The following RET variants were observed in gnomAD, a reference collection of about 807,000 sequenced individuals.
RET encodes proto-oncogene tyrosine-protein kinase receptor Ret.
In RET, 19 loss-of-function variants were observed where a neutral mutation model predicts 118.3. The observed-to-expected ratio is 0.16, with a 90% CI of 0.11 to 0.24. The LOEUF is 0.24. Among genes scored for constraint, RET ranks in the 10% least tolerant of loss-of-function variants. The probability of loss-of-function intolerance (pLI) is 1.00; values close to 1 mark genes in which losing one functional copy is unlikely to be tolerated. For synonymous variants in RET, 597 were observed against 644.1 expected, an observed-to-expected ratio of 0.93 and a Z score of 1.11; for missense variants, 1,219 against 1,502.1, an observed-to-expected ratio of 0.81 and a Z score of 3.12.
rs1588880984 is a variant in RET at position 43,126,604 on chromosome 10, A to T, written c.3069A>T (p.Pro1023=). Reference sequence around the variant, plus strand: ...ACTTGGACCTTGCGGCGTCCACTCCATCTGACTCCCTGATTTATGACGACG... The same window carrying T: ...ACTTGGACCTTGCGGCGTCCACTCCTTCTGACTCCCTGATTTATGACGACG... ...RDYLDLAAST[P]SDSLIYDDGL... The change falls in exon 19 of 20, where the codon CCA becomes CCT. Residue 1023 remains proline, a synonymous_variant. Transcript: ENST00000355710. The T allele has an allele frequency of 6.2e-7, 1 of 1,614,164 alleles. No homozygotes were observed. Among genetic ancestry groups the T allele is most frequent in the Non-Finnish European group, 8.5e-7 (1 of 1,180,026 alleles).
chr10:43,087,446 G>A (rs939738304), intron 1 of RET, among the ~76,000 whole-genome samples: 28 of 152,226 alleles, frequency 1.8e-4, no homozygotes, highest in Admixed American at 6.5e-5. Context: ...TTTACTGAGC[G>A]CCCGGTATAT....
intron 1 of RET, among the ~76,000 whole-genome samples, chr10:43,097,278 G>A (rs935234645): frequency 3.0e-4 from 46 of 152,144 alleles, no homozygotes; most frequent in African/African-American, 8.9e-4. Flanking sequence ...CTGCTCCTGC[G>A]ACAGATGGGG....
chr10:43,085,195 G>T (rs1013393172), intron 1 of RET, among the ~76,000 whole-genome samples: 4 of 152,128 alleles, frequency 2.6e-5, no homozygotes, highest in Non-Finnish European at 5.9e-5. Context: ...CCATAGGCAG[G>T]CACTCTGTGC....
chr10:43,112,272 G>A (rs372240687), intron 8 of RET, 48 bp downstream of exon 8: 381 of 1,544,090 alleles, frequency 2.5e-4, no homozygotes, highest in Non-Finnish European at 3.0e-4. Context: ...CGATGGCACC[G>A]GTGGAAACGG....
At chr10:43,087,158 A>G (rs1332627601) in intron 1 of RET, among the ~76,000 whole-genome samples, 5 of 152,226 alleles carry the variant, frequency 3.3e-5, no homozygotes, top group African/African-American at 9.6e-5. Flanking sequence ...GAAGAGCCTC[A>G]GTTAAGGAGG....
chr10:43,108,470 C>T (rs770121980), intron 5 of RET, among the ~76,000 whole-genome samples: 26 of 152,166 alleles, frequency 1.7e-4, no homozygotes, highest in African/African-American at 5.1e-4. Context: ...ATGTTAATGC[C>T]GGTCAGTTGT....
chr10:43,112,164 G>C lies in RET; in HGVS notation c.1588G>C (p.Glu530Gln), dbSNP rs1372959588. 4 of 1,584,014 alleles carry C rather than the reference G, an allele frequency of 2.5e-6. No homozygotes were observed. Among genetic ancestry groups the C allele is most frequent in the Non-Finnish European group, 3.4e-6 (4 of 1,164,768 alleles). The change falls in exon 8 of 20, where the codon GAG becomes CAG. Residue 530 changes from glutamate (E) to glutamine (Q), a missense_variant. Physicochemically the swap from Glu to Gln is conservative, Grantham distance 29 (BLOSUM62 2). Transcript: ENST00000355710. Reference sequence around the variant, plus strand: ...CAGCAAGAGACGGCTGGAGTGTGAGGAGTGTGGCGGCCTGGGCTCCCCAAC... The same window carrying C: ...CAGCAAGAGACGGCTGGAGTGTGAGCAGTGTGGCGGCCTGGGCTCCCCAAC... The part of the protein sequence containing the change: ...AVSKRRLECE[E>Q]CGGLGSPTGR...
intron 15 of RET, 38 bp from the exon 16 acceptor site, chr10:43,121,908 A>G (rs2132983210): frequency 6.7e-7 from 1 of 1,502,482 alleles, no homozygotes; most frequent in Non-Finnish European, 9.3e-7. Context: ...CTAGAGAGTT[A>G]GAGTAACTTC....
chr10:43,095,493 G>A (rs1288474274), intron 1 of RET, among the ~76,000 whole-genome samples: 2 of 152,214 alleles, frequency 1.3e-5, no homozygotes, highest in Non-Finnish European at 2.9e-5. Flanking sequence ...GGAGTGTGTG[G>A]ATTGACAAGG....
intron 16 of RET, among the ~76,000 whole-genome samples, chr10:43,123,292 G>A (rs1230875419): frequency 6.6e-6 from 1 of 152,168 alleles, no homozygotes; most frequent in African/African-American, 2.4e-5. Flanking sequence ...CTGGTGGCCT[G>A]CATTCTCACC....
intron 11 of RET, 120 bp from the exon 12 acceptor site, chr10:43,116,464 C>A (rs767352216): frequency 1.6e-6 from 2 of 1,275,240 alleles, no homozygotes; most frequent in Non-Finnish European, 2.3e-6. Flanking sequence ...AGATGACAGC[C>A]GGTTCTCTGC....
At chr10:43,093,653 G>A (rs1320435976) in intron 1 of RET, among the ~76,000 whole-genome samples, 2 of 152,174 alleles carry the variant, frequency 1.3e-5, no homozygotes, top group African/African-American at 2.4e-5. Flanking sequence ...GCATCCCAGC[G>A]ACGCTGGACA....
At chr10:43,097,613 C>A (rs1837548311) in intron 1 of RET, among the ~76,000 whole-genome samples, 1 of 152,182 alleles carries the variant, frequency 6.6e-6, no homozygotes, top group South Asian at 2.1e-4. Flanking sequence ...CAATCTCTCA[C>A]CCTCTGTCGC....
At chr10:43,122,406 G>A (rs1218889530) in intron 16 of RET, among the ~76,000 whole-genome samples, 1 of 152,120 alleles carries the variant, frequency 6.6e-6, no homozygotes, top group East Asian at 1.9e-4. Context: ...CCAGTGACTT[G>A]CCCCCACCCA....
chr10:43,093,159 G>T (rs1837444777), intron 1 of RET, among the ~76,000 whole-genome samples: 1 of 152,174 alleles, frequency 6.6e-6, no homozygotes, highest in Admixed American at 6.5e-5. Context: ...AGGGGGCCCT[G>T]GGAGCCCTGA....
chr10:43,120,750 T>C (rs1345083051), intron 15 of RET, among the ~76,000 whole-genome samples: 1 of 152,146 alleles, frequency 6.6e-6, no homozygotes, highest in Non-Finnish European at 1.5e-5. Flanking sequence ...GTGGGCACCC[T>C]TGGGGACACC....
At chr10:43,112,608 T>C (rs531641998) in intron 8 of RET, among the ~76,000 whole-genome samples, 3 of 152,210 alleles carry the variant, frequency 2.0e-5, no homozygotes, top group Admixed American at 6.5e-5. Context: ...GCCCTCACCA[T>C]GCAGCCCTGA....
intron 3 of RET, 70 bp from the exon 4 acceptor site, chr10:43,104,882 T>G (rs1425415678): frequency 1.3e-6 from 2 of 1,527,796 alleles, no homozygotes; most frequent in Non-Finnish European, 1.7e-6. Flanking sequence ...CAGAGCCCCC[T>G]TCCCGAGGAA....
chr10:43,130,139 C>T lies in RET; in HGVS notation c.*1870C>T, dbSNP rs146771196. 2,581 of 397,764 alleles carry T rather than the reference C, an allele frequency of 6.5e-3. 18 individuals are homozygous for T. Among genetic ancestry groups the T allele is most frequent in the Middle Eastern group, 0.016 (25 of 1,586 alleles). The allele number at this position is 397,764 out of a possible 1,614,324, so 24.6% of individuals were successfully genotyped here. ...TTGTCTATTCCTGAGTTATAAAAGT[C>T]CCCATCCTTATTAGCTCTACTGGAA... On this transcript the variant is annotated 3_prime_UTR_variant, in exon 20 of 20. Coordinates refer to ENST00000355710, the MANE Select transcript of RET (RefSeq NM_020975.6).
Sources: allele counts gnomAD v4.1 joint callset (sites outside exome capture counted in the v4.1 genomes callset), GRCh38; gene constraint gnomAD v4.1.1; transcripts MANE v1.5; gene names NCBI Gene and HGNC (gene_info 2026-07-23, HGNC 2026-07-21).